Variants in PDLIM5 observed in about 807,000 individuals in gnomAD.
PDLIM5 encodes PDZ and LIM domain protein 5.
PDLIM5 carries 34 observed loss-of-function variants against 64.2 expected under a neutral mutation model. The ratio of observed to expected loss-of-function variants is 0.53; its 90% CI spans 0.40 to 0.71. The LOEUF (loss-of-function observed/expected upper bound fraction) is 0.71, where lower values mean the gene tolerates loss of function less well. PDLIM5 is among the 30% of genes least tolerant of loss of function. PDLIM5 has a pLI of 0.00. For missense variants in PDLIM5, 683 were observed against 733.6 expected, an observed-to-expected ratio of 0.93 and a Z score of 0.80; for synonymous variants, 253 against 269.1, an observed-to-expected ratio of 0.94 and a Z score of 0.59.
At chr4:94,490,785 T>A (rs1446821532) in intron 2 of PDLIM5, among the ~76,000 whole-genome samples, 1 of 152,192 alleles carries the variant, frequency 6.6e-6, no homozygotes, top group Non-Finnish European at 1.5e-5. Flanking sequence ...AGTTAAATAA[T>A]ACTTTTAAAT....
At chr4:94,577,320 C>T in intron 5 of PDLIM5, 2 of 456,492 alleles carry the variant, frequency 4.4e-6, no homozygotes, top group East Asian at 1.4e-4. Context: ...TTCTGTAGCA[C>T]TGCTGCCATG....
At chr4:94,627,459 GACA>G (rs1739791377) in intron 8 of PDLIM5, among the ~76,000 whole-genome samples, 7 of 152,252 alleles carry the variant, frequency 4.6e-5, no homozygotes, top group Admixed American at 6.5e-5. Context: ...TTATAAGGCA[GACA>G]TCTACATTTG....
intron 7 of PDLIM5, among the ~76,000 whole-genome samples, chr4:94,599,006 T>C (rs1432411267): frequency 2.0e-5 from 3 of 152,026 alleles, no homozygotes; most frequent in Non-Finnish European, 4.4e-5. Flanking sequence ...AGAGACAGAA[T>C]GATAAGAGAT....
intron 3 of PDLIM5, among the ~76,000 whole-genome samples, chr4:94,564,006 C>T (rs1340744463): frequency 6.9e-6 from 1 of 145,764 alleles, no homozygotes; most frequent in Non-Finnish European, 1.5e-5. Context: ...CTCTGTCTCC[C>T]AGGCTGAAAT....
Position 94,511,849 on chromosome 4 carries a change from A to G in PDLIM5, c.97-11875A>G, listed in dbSNP as rs576079854. On this transcript the variant is annotated intron_variant, in intron 2 of 12. Transcript: ENST00000317968. ...GAATAGTACTCCAGTGTGTATATGTATCACATTTTCTTTGTCCATTCATCT... is the reference window on the plus strand; with the variant it reads ...GAATAGTACTCCAGTGTGTATATGTGTCACATTTTCTTTGTCCATTCATCT... Among the ~76,000 whole-genome samples the G allele has an allele frequency of 2.0e-5, 3 of 152,228 alleles. No homozygotes were observed. The South Asian group carries it at 6.2e-4, about 32-fold the overall frequency.
At chr4:94,606,179 T>C (rs994123191) in intron 7 of PDLIM5, among the ~76,000 whole-genome samples, 1 of 152,254 alleles carries the variant, frequency 6.6e-6, no homozygotes, top group African/African-American at 2.4e-5. Flanking sequence ...GTAAGCACTT[T>C]GTTACACTTC....
chr4:94,587,369 G>A, intron 7 of PDLIM5: 1 of 1,132,908 alleles, frequency 8.8e-7, no homozygotes, highest in Non-Finnish European at 1.1e-6. Flanking sequence ...TAGTAATCTT[G>A]GAAAACGAAT....
chr4:94,518,285 A>G (rs144589692), intron 2 of PDLIM5, among the ~76,000 whole-genome samples: 79 of 152,328 alleles, frequency 5.2e-4, no homozygotes, highest in Non-Finnish European at 9.7e-4. Context: ...CTCAAGAGGT[A>G]ATAGCTAAGG....
At position 94,487,569 on chromosome 4, in the gene PDLIM5, A is replaced by G. The variant is rs554990296; in HGVS notation, c.96+32185A>G. Among the ~76,000 whole-genome samples the G allele has an allele frequency of 3.9e-5, 6 of 152,164 alleles. No individual in the cohort carries two copies. The South Asian group carries it at 1.0e-3, about 26-fold the overall frequency. On this transcript the variant is annotated intron_variant, in intron 2 of 12. Transcript: ENST00000317968. ...GGTGAAAGGCATTGAGAAAAATGGC[A>G]TATTATATACATCCGAAAAGTCGCT... is the stretch of plus-strand genomic sequence containing the variant.
chr4:94,493,874 C>T (rs7661261), intron 2 of PDLIM5, among the ~76,000 whole-genome samples: 1,991 of 152,246 alleles, frequency 0.013, 42 homozygotes, highest in African/African-American at 0.044. Flanking sequence ...ATTTTGACTA[C>T]GTACTTGACT....
chr4:94,543,698 T>C (rs986433701), intron 3 of PDLIM5, among the ~76,000 whole-genome samples: 2 of 152,050 alleles, frequency 1.3e-5, no homozygotes, highest in Non-Finnish European at 2.9e-5. Context: ...CTTATTTCAC[T>C]TAACATAATG....
At chr4:94,458,762 A>G (rs959654945) in intron 2 of PDLIM5, among the ~76,000 whole-genome samples, 1 of 152,238 alleles carries the variant, frequency 6.6e-6, no homozygotes, top group Non-Finnish European at 1.5e-5. Flanking sequence ...TATGCTGAAT[A>G]CAACTTGTAT....
intron 2 of PDLIM5, among the ~76,000 whole-genome samples, chr4:94,487,664 T>A (rs143823470): frequency 3.7e-4 from 56 of 152,340 alleles, no homozygotes; most frequent in East Asian, 7.7e-4. Flanking sequence ...GGAGACTTCA[T>A]GGTGCTTACT....
intron 2 of PDLIM5, among the ~76,000 whole-genome samples, chr4:94,501,682 T>A (rs1727934396): frequency 6.6e-6 from 1 of 152,210 alleles, no homozygotes; most frequent in Admixed American, 6.5e-5. Flanking sequence ...AGACTGACAA[T>A]CCTCACAGTT....
intron 7 of PDLIM5, among the ~76,000 whole-genome samples, chr4:94,606,985 A>G (rs910851107): frequency 6.6e-6 from 1 of 152,264 alleles, no homozygotes; most frequent in African/African-American, 2.4e-5. Flanking sequence ...CTTAGGCCAT[A>G]CAAAGACAGG....
intron 5 of PDLIM5, chr4:94,582,658 A>C: frequency 9.3e-7 from 1 of 1,073,762 alleles, no homozygotes; most frequent in Non-Finnish European, 1.4e-6. Flanking sequence ...CTTCCGGGGA[A>C]CATCAATGTC....
chr4:94,612,946 A>T, intron 7 of PDLIM5, among the ~76,000 whole-genome samples: 1 of 150,872 alleles, frequency 6.6e-6, no homozygotes, highest in Non-Finnish European at 1.5e-5. Flanking sequence ...TTTCCATTAT[A>T]ATATATATTA....
At chr4:94,608,033 T>C in intron 7 of PDLIM5, 1 of 1,492,388 alleles carries the variant, frequency 6.7e-7, no homozygotes, top group South Asian at 1.2e-5. Context: ...TCCTTTGCCT[T>C]ATATATTTTA....
At chr4:94,585,064 T>A in intron 5 of PDLIM5, 4 of 805,412 alleles carry the variant, frequency 5.0e-6, no homozygotes, top group Non-Finnish European at 8.1e-6. Context: ...ATAAGTGCAG[T>A]TTTTTACTTA....
Sources: gnomAD v4.1 joint callset for allele counts (sites outside exome capture counted in the v4.1 genomes callset) on GRCh38, gnomAD v4.1.1 for gene constraint, MANE v1.5 for transcripts, NCBI Gene and HGNC (gene_info 2026-07-23, HGNC 2026-07-21) for gene names.